Variants in RUNDC3B observed in about 807,000 individuals in gnomAD.
RUNDC3B encodes the protein RUN domain containing 3B, also known as RUN domain-containing protein 3B.
A neutral mutation model predicts 58.4 loss-of-function variants in RUNDC3B; 33 were observed. The observed-to-expected ratio is 0.56, with a 90% CI of 0.43 to 0.75. The LOEUF (loss-of-function observed/expected upper bound fraction) is 0.75. Ranked by LOEUF, RUNDC3B falls within the 30% of genes least tolerant of loss-of-function variation. RUNDC3B has a pLI of 0.00. For synonymous variants in RUNDC3B, 193 were observed against 195.2 expected, an observed-to-expected ratio of 0.99 and a Z score of 0.10; for missense variants, 501 against 535.7, an observed-to-expected ratio of 0.94 and a Z score of 0.64.
rs534651263 is a variant in RUNDC3B, at chr7:87,831,795, T to C, written c.*1765T>C. Reference sequence around the variant, plus strand: ...GACTTGAGCACTATTGCTGCTTTCCTATGAACTATCAGAATGTTTAAATGC... The same window carrying C: ...GACTTGAGCACTATTGCTGCTTTCCCATGAACTATCAGAATGTTTAAATGC... On this transcript the variant is annotated 3_prime_UTR_variant, in exon 11 of 11. Coordinates refer to ENST00000394654, the MANE Select transcript of RUNDC3B (RefSeq NM_001134405.2). The C allele has an allele frequency of 6.6e-6, 1 of 152,042 alleles. No individual in the cohort carries two copies. The highest frequency in any genetic ancestry group is 1.5e-5 in the Non-Finnish European group (1 of 67,866). The allele number at this position is 152,042 out of a possible 1,614,324, so 9.4% of individuals were successfully genotyped here.
intron 6 of RUNDC3B, among the ~76,000 whole-genome samples, chr7:87,745,897 G>A (rs547830646): frequency 4.6e-5 from 7 of 152,176 alleles, no homozygotes; most frequent in South Asian, 2.1e-4. Context: ...ACCTTAGAAC[G>A]TCAGTTTGTA....
chr7:87,813,841 C>A (rs1836866312), intron 9 of RUNDC3B, among the ~76,000 whole-genome samples: 4 of 151,644 alleles, frequency 2.6e-5, no homozygotes, highest in African/African-American at 9.7e-5. Flanking sequence ...AATAGCCGGG[C>A]GTGGTGGCAG....
chr7:87,830,065 G>C lies in RUNDC3B; in HGVS notation c.*35G>C. On this transcript the variant is annotated 3_prime_UTR_variant, in exon 11 of 11. Coordinates refer to ENST00000394654, the MANE Select transcript of RUNDC3B (RefSeq NM_001134405.2). ...TGTAAAAGCCAAAACTTTTTATGTT[G>C]TAAATGTTTAATTTACATGTTTGAC... 6.9e-7 allele frequency: 1 copy of C among 1,453,050 alleles called. No individual in the cohort carries two copies. Among genetic ancestry groups the C allele is most frequent in the Non-Finnish European group, 9.3e-7 (1 of 1,071,816 alleles). 90.0% of individuals were successfully genotyped at this position (1,453,050 alleles called of 1,614,324 possible).
intron 2 of RUNDC3B, among the ~76,000 whole-genome samples, chr7:87,698,181 G>A (rs1162519344): frequency 6.6e-6 from 1 of 152,036 alleles, no homozygotes; most frequent in African/African-American, 2.4e-5. Context: ...CTCACTGCAA[G>A]CTCCACCTCC....
At chr7:87,719,080 CAT>C (rs1018279664) in intron 4 of RUNDC3B, among the ~76,000 whole-genome samples, 3 of 151,866 alleles carry the variant, frequency 2.0e-5, no homozygotes, top group African/African-American at 2.4e-5. Context: ...ACACAGGTAA[CAT>C]AACACAGGTA....
At chr7:87,729,699 G>A (rs1831464706) in intron 4 of RUNDC3B, among the ~76,000 whole-genome samples, 1 of 152,184 alleles carries the variant, frequency 6.6e-6, no homozygotes, top group African/African-American at 2.4e-5. Context: ...TGGGCTTGAA[G>A]TTAGTGGATA....
At chr7:87,664,476 A>C (rs2130473486) in intron 2 of RUNDC3B, among the ~76,000 whole-genome samples, 1 of 152,348 alleles carries the variant, frequency 6.6e-6, no homozygotes, top group Admixed American at 6.5e-5. Context: ...AGGCAAAGAC[A>C]TCAAAGCAGC....
chr7:87,795,284 AAAATC>A (rs1432280744), intron 8 of RUNDC3B, among the ~76,000 whole-genome samples: 2 of 152,212 alleles, frequency 1.3e-5, no homozygotes, highest in Non-Finnish European at 2.9e-5. Flanking sequence ...CAATAGGAAA[AAAATC>A]AAATTATCTG....
chr7:87,825,376 G>A (rs1436458922), intron 10 of RUNDC3B, among the ~76,000 whole-genome samples: 1 of 152,228 alleles, frequency 6.6e-6, no homozygotes, highest in African/African-American at 2.4e-5. Context: ...TGTTGAGCCT[G>A]CAAGTGCACA....
At chr7:87,630,553 A>G (rs888203057) in intron 1 of RUNDC3B, among the ~76,000 whole-genome samples, 3 of 152,192 alleles carry the variant, frequency 2.0e-5, no homozygotes, top group African/African-American at 7.2e-5. Context: ...ATATACAGAC[A>G]TCAAAAATTG....
At chr7:87,695,334 TTC>T (rs1475311592) in intron 2 of RUNDC3B, among the ~76,000 whole-genome samples, 2 of 152,104 alleles carry the variant, frequency 1.3e-5, no homozygotes, top group African/African-American at 4.8e-5. Flanking sequence ...AATGGAAATT[TTC>T]TCTGTTTGAT....
intron 4 of RUNDC3B, among the ~76,000 whole-genome samples, chr7:87,721,474 A>G (rs1253188012): frequency 6.6e-6 from 1 of 152,158 alleles, no homozygotes; most frequent in South Asian, 2.1e-4. Context: ...CATAAATAAA[A>G]TTCAAACAGA....
At chr7:87,798,952 T>G (rs1835970602) in intron 8 of RUNDC3B, among the ~76,000 whole-genome samples, 1 of 152,206 alleles carries the variant, frequency 6.6e-6, no homozygotes, top group Admixed American at 6.5e-5. Context: ...TAAATCTTTA[T>G]CCCATGACTA....
In RUNDC3B at chr7:87,636,942, A is replaced by ACATGT. The variant is rs1488670959; in HGVS notation, c.122+7999_122+8003dup. Reference sequence around the variant, plus strand: ...ACAAGCATGGTGGAAGGGGAAGTAAACATGTCCTTCTTCACAAAGTAGCAG... The same window carrying ACATGT: ...ACAAGCATGGTGGAAGGGGAAGTAAACATGTCATGTCCTTCTTCACAAAGTAGCAG... On this transcript the variant is annotated intron_variant, in intron 1 of 10. Coordinates refer to ENST00000394654, the MANE Select transcript of RUNDC3B (RefSeq NM_001134405.2). Among the ~76,000 whole-genome samples, 3 of 152,174 alleles carry ACATGT rather than the reference A, an allele frequency of 2.0e-5. No homozygotes were observed. The East Asian group carries it at 5.8e-4, about 29-fold the overall frequency.
chr7:87,730,866 G>C (rs546073443), intron 4 of RUNDC3B, among the ~76,000 whole-genome samples: 2 of 152,170 alleles, frequency 1.3e-5, no homozygotes, highest in African/African-American at 4.8e-5. Context: ...TCAGCACAGA[G>C]AGACAGACAC....
rs28381734 is a variant in RUNDC3B, at chr7:87,696,816, G to C, written c.239-3605G>C. 2.0e-4 allele frequency among the ~76,000 whole-genome samples: 31 copies of C among 152,262 alleles called. No homozygotes were observed. The East Asian group carries it at 5.6e-3, about 27-fold the overall frequency. ...GTCCTGTCAATTGCTTAGTTTCTCA[G>C]TTTGTAATCTGGGAAATCTTTTCAT... On this transcript the variant is annotated intron_variant, in intron 2 of 10. Coordinates refer to ENST00000394654, the MANE Select transcript of RUNDC3B (RefSeq NM_001134405.2).
At chr7:87,813,050 A>G (rs1234310518) in intron 9 of RUNDC3B, among the ~76,000 whole-genome samples, 1 of 152,254 alleles carries the variant, frequency 6.6e-6, no homozygotes, top group East Asian at 1.9e-4. Context: ...ATTTTCATGC[A>G]AAGAAGATAT....
intron 8 of RUNDC3B, among the ~76,000 whole-genome samples, chr7:87,793,029 T>C (rs1298610881): frequency 6.6e-6 from 1 of 152,036 alleles, no homozygotes; most frequent in East Asian, 1.9e-4. Flanking sequence ...CAACTGATTC[T>C]GCAGAAATTC....
chr7:87,828,243 A>C (rs1207670783), intron 10 of RUNDC3B, among the ~76,000 whole-genome samples: 1 of 152,110 alleles, frequency 6.6e-6, no homozygotes, highest in Non-Finnish European at 1.5e-5. Context: ...TTTTAGATTC[A>C]AAGGGGTGTA....
Sources: allele counts gnomAD v4.1 joint callset (sites outside exome capture counted in the v4.1 genomes callset), GRCh38; gene constraint gnomAD v4.1.1; transcripts MANE v1.5; gene names NCBI Gene and HGNC (gene_info 2026-07-23, HGNC 2026-07-21).